CDH18: variants seen among roughly 807,000 people sequenced by gnomAD.
CDH18 encodes the protein cadherin 18, also known as cadherin-18.
CDH18 carries 31 observed loss-of-function variants against 67.9 expected under a neutral mutation model. The ratio of observed to expected loss-of-function variants is 0.46; its 90% CI spans 0.34 to 0.62. CDH18 has a LOEUF of 0.62. CDH18 is among the 20% of genes least tolerant of loss of function. The pLI, the probability that CDH18 is intolerant of heterozygous loss-of-function variation, is 0.01. For synonymous variants in CDH18, 362 were observed against 347.2 expected (o/e 1.04, Z -0.48); for missense variants, 890 against 975.5 (o/e 0.91, Z 1.17).
chr5:19,567,504 C>G lies in CDH18; in HGVS notation c.1253+4075G>C, dbSNP rs542519589. Among the ~76,000 whole-genome samples, 5 of 152,058 alleles carry G rather than the reference C, an allele frequency of 3.3e-5. No individual in the cohort carries two copies. The East Asian group carries it at 9.7e-4, about 29-fold the overall frequency. ...TTGCAAAGTACATCTTTTCAATGTG[C>G]TTTTCCTTAATTAGTACAAACATTT... On this transcript the variant is annotated intron_variant, in intron 8 of 12. Transcript: ENST00000382275.
chr5:19,929,606 T>C (rs1302203219), intron 2 of CDH18, among the ~76,000 whole-genome samples: 1 of 152,062 alleles, frequency 6.6e-6, no homozygotes, highest in Non-Finnish European at 1.5e-5. Context: ...GTGTTATGCC[T>C]CCCTAATAAT....
intron 8 of CDH18, among the ~76,000 whole-genome samples, chr5:19,557,760 C>A (rs1041824816): frequency 2.6e-5 from 4 of 151,996 alleles, no homozygotes; most frequent in African/African-American, 9.7e-5. Flanking sequence ...AACAAAGAAA[C>A]AATAGACTTA....
chr5:19,648,848 G>C (rs1755173407), intron 5 of CDH18, among the ~76,000 whole-genome samples: 1 of 151,100 alleles, frequency 6.6e-6, no homozygotes, highest in South Asian at 2.1e-4. Context: ...TTTTCATGCA[G>C]AGTTAGACAA....
intron 2 of CDH18, among the ~76,000 whole-genome samples, chr5:20,080,728 G>GGA (rs10633428): frequency 0.98 from 149,652 of 151,936 alleles, 73,753 homozygotes; most frequent in Middle Eastern, 1. Context: ...AGGAAGAAGG[G>GGA]GAGAGAGGAG....
chr5:20,301,125 C>T (rs1462301254), intron 1 of CDH18, among the ~76,000 whole-genome samples: 1 of 152,134 alleles, frequency 6.6e-6, no homozygotes, highest in Admixed American at 6.5e-5. Flanking sequence ...GGGAAGCATA[C>T]ACTTGCTTCC....
intron 2 of CDH18, among the ~76,000 whole-genome samples, chr5:20,052,427 G>A (rs1741512410): frequency 6.6e-6 from 1 of 152,008 alleles, no homozygotes; most frequent in Admixed American, 6.6e-5. Flanking sequence ...AATGGTTTGG[G>A]TGCAACCGAT....
chr5:19,853,682 G>T (rs577816957), intron 2 of CDH18, among the ~76,000 whole-genome samples: 1 of 152,230 alleles, frequency 6.6e-6, no homozygotes, highest in East Asian at 1.9e-4. Flanking sequence ...TGTGCAGTTG[G>T]AAATTAGGTG....
chr5:19,750,136 A>T (rs1214528576), intron 3 of CDH18, among the ~76,000 whole-genome samples: 1 of 152,056 alleles, frequency 6.6e-6, no homozygotes, highest in Non-Finnish European at 1.5e-5. Flanking sequence ...ATGTAACACT[A>T]ACGGGAAACC....
chr5:19,597,963 A>C (rs1746438922), intron 6 of CDH18, among the ~76,000 whole-genome samples: 2 of 152,174 alleles, frequency 1.3e-5, no homozygotes, highest in Admixed American at 1.3e-4. Flanking sequence ...GTTAATTAGA[A>C]TGTAGTGTTT....
chr5:19,919,191 G>A (rs977489582), intron 2 of CDH18, among the ~76,000 whole-genome samples: 11 of 152,072 alleles, frequency 7.2e-5, no homozygotes, highest in African/African-American at 2.2e-4. Context: ...ACTCACAAGC[G>A]TCTGTGCACA....
At chr5:20,153,274 G>C (rs756850104) in intron 2 of CDH18, among the ~76,000 whole-genome samples, 1 of 151,934 alleles carries the variant, frequency 6.6e-6, no homozygotes, top group African/African-American at 2.4e-5. Context: ...AAAATCTTTG[G>C]TTTCTAAACA....
At chr5:19,484,903 G>A (rs1740116558) in intron 11 of CDH18, among the ~76,000 whole-genome samples, 2 of 152,094 alleles carry the variant, frequency 1.3e-5, no homozygotes. Context: ...TAATTATTTT[G>A]CACTAAAAAG....
At chr5:20,372,103 A>G (rs1432331146) in intron 1 of CDH18, among the ~76,000 whole-genome samples, 3 of 152,224 alleles carry the variant, frequency 2.0e-5, no homozygotes, top group African/African-American at 7.2e-5. Context: ...AATGGGTATC[A>G]GCTGAAGCTC....
chr5:19,495,717 CA>C (rs749003068), intron 11 of CDH18, among the ~76,000 whole-genome samples: 2,793 of 46,680 alleles, frequency 0.06, 22 homozygotes, highest in African/African-American at 0.12. Flanking sequence ...GAAACTGTCT[CA>C]AAAAAAAAAA....
At chr5:20,360,302 A>T (rs13159990) in intron 1 of CDH18, among the ~76,000 whole-genome samples, 25,642 of 151,986 alleles carry the variant, frequency 0.17, 2,623 homozygotes, top group East Asian at 0.29. Context: ...AATAAATTCA[A>T]GGTTAATCCT....
intron 9 of CDH18, among the ~76,000 whole-genome samples, chr5:19,530,331 T>A (rs995953438): frequency 4.0e-5 from 6 of 151,866 alleles, no homozygotes; most frequent in Non-Finnish European, 8.8e-5. Context: ...TATATAAAAC[T>A]AATAAAGGAA....
At chr5:20,160,462 A>G (rs770399481) in intron 2 of CDH18, among the ~76,000 whole-genome samples, 16 of 152,234 alleles carry the variant, frequency 1.1e-4, no homozygotes, top group Non-Finnish European at 2.2e-4. Context: ...CTGGTCTGGT[A>G]AGATTACGTC....
At chr5:19,939,282 T>C (rs1427634703) in intron 2 of CDH18, among the ~76,000 whole-genome samples, 2 of 151,630 alleles carry the variant, frequency 1.3e-5, no homozygotes, top group Non-Finnish European at 3.0e-5. Context: ...CAGTAGTCTA[T>C]AGCAAATATA....
chr5:20,275,149 C>T (rs1024100538), intron 1 of CDH18, among the ~76,000 whole-genome samples: 14 of 151,936 alleles, frequency 9.2e-5, no homozygotes, highest in African/African-American at 3.1e-4. Flanking sequence ...ATTATATATC[C>T]ACTTGATATG....
Sources: allele counts gnomAD v4.1 joint callset (sites outside exome capture counted in the v4.1 genomes callset), GRCh38; gene constraint gnomAD v4.1.1; transcripts MANE v1.5; gene names NCBI Gene and HGNC (gene_info 2026-07-23, HGNC 2026-07-21).